Variants in ZNF721 observed in about 807,000 individuals in gnomAD.
The protein encoded by ZNF721 is zinc finger protein 721.
Under a neutral mutation model 2.4 loss-of-function variants are expected in ZNF721, and 2 were observed. The observed-to-expected ratio is 0.82, with a 90% CI of 0.34 to 2.58. ZNF721 has a LOEUF of 2.58. Ranked by LOEUF, ZNF721 falls within the 30% of genes most tolerant of loss-of-function variation. The probability of loss-of-function intolerance (pLI) is 0.11; values close to 1 mark genes in which losing one functional copy is unlikely to be tolerated. For synonymous variants in ZNF721, 398 were observed against 381.8 expected, an observed-to-expected ratio of 1.04 and a Z score of -0.50; for missense variants, 1,187 against 1,085.5, an observed-to-expected ratio of 1.09 and a Z score of -1.31.
Position 493,707 on chromosome 4 carries a change from T to C in ZNF721, c.-94+5349A>G, listed in dbSNP as rs188754479. Among the ~76,000 whole-genome samples the C allele has an allele frequency of 1.7e-3, 250 of 149,740 alleles. 1 individual carries two copies. The highest frequency in any genetic ancestry group is 5.6e-3 in the African/African-American group (231 of 40,914). On this transcript the variant is annotated intron_variant, in intron 1 of 2. Coordinates refer to ENST00000511833, the MANE Select transcript of ZNF721 (RefSeq NM_133474.4). ...CGCAAAAAAAAAAAAAAAAAGGTTA[T>C]GGTAATCTTACTAAATTCCATATGC...
chr4:466,216 A>G (rs184420642), intron 2 of ZNF721, among the ~76,000 whole-genome samples: 197 of 151,796 alleles, frequency 1.3e-3, no homozygotes, highest in African/African-American at 4.6e-3. Flanking sequence ...AGGAATTAAG[A>G]CACTCTACCT....
At chr4:464,653 A>G (rs1715183547) in intron 2 of ZNF721, among the ~76,000 whole-genome samples, 1 of 152,192 alleles carries the variant, frequency 6.6e-6, no homozygotes, top group African/African-American at 2.4e-5. Context: ...ATTTTTATAC[A>G]TAGAGGTTAA....
chr4:456,903 AATG>A (rs782194416), intron 2 of ZNF721, among the ~76,000 whole-genome samples: 13 of 152,152 alleles, frequency 8.5e-5, no homozygotes, highest in Non-Finnish European at 1.6e-4. Flanking sequence ...TTAATAAATA[AATG>A]ATGGAGGAGA....
chr4:495,454 A>T (rs1399716195), intron 1 of ZNF721, among the ~76,000 whole-genome samples: 15 of 65,498 alleles, frequency 2.3e-4, no homozygotes, highest in Admixed American at 1.1e-3. Context: ...TTTAAAATTG[A>T]CTTTTTTTTT....
chr4:478,764 G>A (rs1364287842), intron 1 of ZNF721, among the ~76,000 whole-genome samples: 3 of 146,144 alleles, frequency 2.1e-5, no homozygotes, highest in Admixed American at 6.9e-5. Flanking sequence ...GCAAAGGAAA[G>A]GTCTGATTTT....
intron 1 of ZNF721, among the ~76,000 whole-genome samples, chr4:473,779 C>T (rs1484048665): frequency 1.3e-5 from 2 of 152,220 alleles, no homozygotes; most frequent in African/African-American, 4.8e-5. Flanking sequence ...CAGAGCTGCA[C>T]AAGGAGGGCT....
At chr4:453,455 G>C (rs1553865046) in intron 2 of ZNF721, 1 of 152,212 alleles carries the variant, frequency 6.6e-6, no homozygotes. Flanking sequence ...TCTCTTGACA[G>C]ACTATTTAAT....
chr4:449,875 G>A (rs574418285), intron 2 of ZNF721, among the ~76,000 whole-genome samples: 1 of 152,226 alleles, frequency 6.6e-6, no homozygotes, highest in Admixed American at 6.5e-5. Context: ...CAATTAGAAT[G>A]ACTGTAATTA....
chr4:474,390 A>C (rs1335270366), intron 1 of ZNF721, among the ~76,000 whole-genome samples: 3 of 152,088 alleles, frequency 2.0e-5, no homozygotes, highest in Non-Finnish European at 4.4e-5. Context: ...GGTTCATTTT[A>C]ACCTTCTGGT....
chr4:456,616 T>C (rs1446788950), intron 2 of ZNF721, among the ~76,000 whole-genome samples: 3 of 152,178 alleles, frequency 2.0e-5, no homozygotes, highest in South Asian at 2.1e-4. Context: ...CACAGTGGCT[T>C]ATGCCTGTAA....
intron 2 of ZNF721, among the ~76,000 whole-genome samples, chr4:450,953 AAAAATATATATATATATATATATATAT>A (rs1714635308): frequency 3.0e-5 from 1 of 33,606 alleles, no homozygotes; most frequent in Non-Finnish European, 4.9e-5. Context: ...AAAAAAAAAA[AAAAATATATATATATATATATATATAT>A]ATATATATAT....
chr4:464,103 T>A lies in ZNF721; in HGVS notation c.34+8472A>T, dbSNP rs189657412. On this transcript the variant is annotated intron_variant, in intron 2 of 2. Coordinates refer to ENST00000511833, the MANE Select transcript of ZNF721 (RefSeq NM_133474.4). ...GGAGATATGCTGAAGCACACAATAG[T>A]AGAACTAAAAAATTTTAACAGAAAG... 4.6e-5 allele frequency among the ~76,000 whole-genome samples: 7 copies of A among 152,044 alleles called. No homozygotes were observed. The East Asian group carries it at 1.4e-3, about 29-fold the overall frequency.
At chr4:465,184 A>C (rs1224937561) in intron 2 of ZNF721, among the ~76,000 whole-genome samples, 2 of 151,992 alleles carry the variant, frequency 1.3e-5, no homozygotes, top group African/African-American at 4.8e-5. Context: ...GGAATTCAAG[A>C]CCAGCCTGAG....
chr4:462,601 C>T (rs181022611), intron 2 of ZNF721, among the ~76,000 whole-genome samples: 18 of 152,274 alleles, frequency 1.2e-4, no homozygotes, highest in African/African-American at 4.3e-4. Context: ...TAACACCACA[C>T]ATCTACAACC....
At chr4:486,663 A>C (rs1320986956) in intron 1 of ZNF721, among the ~76,000 whole-genome samples, 1 of 152,266 alleles carries the variant, frequency 6.6e-6, no homozygotes, top group Non-Finnish European at 1.5e-5. Flanking sequence ...GACTTTGTCT[A>C]TATTAAAAAT....
chr4:472,433 T>C (rs1422995328), intron 2 of ZNF721, 142 bp downstream of exon 2: 1 of 898,542 alleles, frequency 1.1e-6, no homozygotes, highest in African/African-American at 1.7e-5. Context: ...TGTTAAGAAT[T>C]TACTATACAC....
At chr4:494,289 C>T (rs1247198978) in intron 1 of ZNF721, among the ~76,000 whole-genome samples, 1 of 151,212 alleles carries the variant, frequency 6.6e-6, no homozygotes, top group Non-Finnish European at 1.5e-5. Context: ...TCACGCCATT[C>T]TCCTGCTGCA....
At position 444,095 on chromosome 4, in the gene ZNF721, T is replaced by G. The variant is rs1714385764; in HGVS notation, c.372A>C (p.Leu124=). ...CAGCATGAATTCCTTTATGTTGAGT[T>G]AGGTCTGAGAACTTCTGAAATGACT... ...CGKSFQKFSD[L]TQHKGIHAGE... The change falls in exon 3 of 3, where the codon CTA becomes CTC. Residue 124 remains leucine (L), a synonymous_variant. Coordinates refer to ENST00000511833, the MANE Select transcript of ZNF721 (RefSeq NM_133474.4). 1 of 1,614,064 alleles carries G rather than the reference T, an allele frequency of 6.2e-7. No homozygotes were observed. Among genetic ancestry groups the G allele is most frequent in the African/African-American group, 1.3e-5 (1 of 74,944 alleles).
chr4:456,706 C>A lies in ZNF721; in HGVS notation c.35-12274G>T, dbSNP rs536181109. Among the ~76,000 whole-genome samples, 21 of 152,282 alleles carry A rather than the reference C, an allele frequency of 1.4e-4. No homozygotes were observed. The East Asian group carries it at 3.9e-3, about 28-fold the overall frequency. ...CCATTCTGGCTAACATGGTGAAACC[C>A]TGTCTCTACTAAAAATACAAAAATT... On this transcript the variant is annotated intron_variant, in intron 2 of 2. Transcript: ENST00000511833.
Sources: gnomAD v4.1 joint callset for allele counts (sites outside exome capture counted in the v4.1 genomes callset) on GRCh38, gnomAD v4.1.1 for gene constraint, MANE v1.5 for transcripts, NCBI Gene and HGNC (gene_info 2026-07-23, HGNC 2026-07-21) for gene names.